Variants in TRPC4 observed in about 807,000 individuals in gnomAD.
TRPC4 encodes short transient receptor potential channel 4.
Under a neutral mutation model 99.4 loss-of-function variants are expected in TRPC4, and 49 were observed. The ratio of observed to expected loss-of-function variants is 0.49; its 90% CI spans 0.39 to 0.63. The LOEUF (loss-of-function observed/expected upper bound fraction) is 0.63, where lower values mean the gene tolerates loss of function less well. TRPC4 is among the 20% of genes least tolerant of loss of function. The pLI is 0.00. For synonymous variants in TRPC4, 454 were observed against 425.9 expected (o/e 1.07, Z -0.81); for missense variants, 898 against 1,152.9 (o/e 0.78, Z 3.20).
rs1175474000 is a variant in TRPC4 at position 37,779,176 on chromosome 13, C to T, written c.378+3780G>A. 2.0e-5 allele frequency among the ~76,000 whole-genome samples: 3 copies of T among 152,028 alleles called. No individual in the cohort carries two copies. The East Asian group carries it at 5.8e-4, about 29-fold the overall frequency. On this transcript the variant is annotated intron_variant, in intron 2 of 10. Coordinates refer to ENST00000379705, the MANE Select transcript of TRPC4 (RefSeq NM_016179.4). ...AGCTGAAACTGAAATTAAATCTGGACTTAGAAGACATCTAAGCTCTGCTAA... is the reference window on the plus strand; with the variant it reads ...AGCTGAAACTGAAATTAAATCTGGATTTAGAAGACATCTAAGCTCTGCTAA...
chr13:37,717,230 C>T (rs1351166538), intron 3 of TRPC4, among the ~76,000 whole-genome samples: 1 of 152,118 alleles, frequency 6.6e-6, no homozygotes, highest in East Asian at 1.9e-4. Context: ...TGAAGCTTTT[C>T]ACAGAGTGAA....
At chr13:37,722,403 G>T (rs1954901524) in intron 3 of TRPC4, among the ~76,000 whole-genome samples, 1 of 152,238 alleles carries the variant, frequency 6.6e-6, no homozygotes, top group Non-Finnish European at 1.5e-5. Context: ...AGGTTAAATT[G>T]GATGTAATCA....
chr13:37,689,720 G>C (rs1384473461), intron 4 of TRPC4, among the ~76,000 whole-genome samples: 1 of 152,212 alleles, frequency 6.6e-6, no homozygotes, highest in Non-Finnish European at 1.5e-5. Context: ...TCTGTTAGAA[G>C]CTTGGTGTGT....
intron 2 of TRPC4, among the ~76,000 whole-genome samples, chr13:37,758,811 T>C: frequency 6.6e-6 from 1 of 151,610 alleles, no homozygotes; most frequent in Non-Finnish European, 1.5e-5. Context: ...TGTGAATAGA[T>C]TATAGAAAAA....
Position 37,783,000 on chromosome 13 carries a change from C to T in TRPC4, c.334G>A (p.Val112Ile). ...TTTTTGTGGTTCAATAACAGCTCAA[C>T]AGCTCCGACGACTTCTTTTCTGATA... The part of the protein sequence containing the change: ...HAIRKEVVGA[V>I]ELLLNHKKPS... Residue 112 changes from valine (V) to isoleucine (I), a missense_variant, in exon 2 of 11, where the codon GTT (valine) becomes ATT (isoleucine). By Grantham distance (29) the Val-to-Ile change is conservative (BLOSUM62 3). Transcript: ENST00000379705. The T allele has an allele frequency of 3.1e-6, 5 of 1,600,368 alleles. No homozygotes were observed. Among genetic ancestry groups the T allele is most frequent in the Non-Finnish European group, 3.4e-6 (4 of 1,173,442 alleles).
chr13:37,730,889 G>A (rs1193730806), intron 3 of TRPC4, among the ~76,000 whole-genome samples: 1 of 151,866 alleles, frequency 6.6e-6, no homozygotes, highest in Non-Finnish European at 1.5e-5. Flanking sequence ...GCAAGTAGAG[G>A]CAAATAGTGA....
chr13:37,743,884 G>T (rs2025402), intron 3 of TRPC4, among the ~76,000 whole-genome samples: 56,423 of 151,938 alleles, frequency 0.37, 11,968 homozygotes, highest in Non-Finnish European at 0.49. Context: ...TTTCACAAAA[G>T]TTATTGTGGC....
intron 1 of TRPC4, among the ~76,000 whole-genome samples, chr13:37,831,452 CAGTCATTTTGGAATAT>C (rs1958419265): frequency 5.9e-5 from 9 of 152,230 alleles, no homozygotes; most frequent in Admixed American, 5.9e-4. Context: ...TAAATAGGTA[CAGTCATTTTGGAATAT>C]AGTATGGAGG....
At chr13:37,833,528 C>T (rs1958480105) in intron 1 of TRPC4, among the ~76,000 whole-genome samples, 2 of 152,182 alleles carry the variant, frequency 1.3e-5, no homozygotes, top group African/African-American at 4.8e-5. Context: ...ATACTCTCCT[C>T]CTGCTCTGTC....
At chr13:37,673,504 GA>G (rs1952935632) in intron 5 of TRPC4, among the ~76,000 whole-genome samples, 1 of 149,946 alleles carries the variant, frequency 6.7e-6, no homozygotes, top group South Asian at 2.1e-4. Flanking sequence ...TAGTTATTTT[GA>G]AACTTTTATT....
At chr13:37,763,980 A>AT (rs1212013522) in intron 2 of TRPC4, among the ~76,000 whole-genome samples, 1 of 151,706 alleles carries the variant, frequency 6.6e-6, no homozygotes, top group Admixed American at 6.6e-5. Context: ...TAATTCTAGC[A>AT]TTGTCCAGGT....
At chr13:37,863,413 T>C (rs1959523953) in intron 1 of TRPC4, among the ~76,000 whole-genome samples, 1 of 151,682 alleles carries the variant, frequency 6.6e-6, no homozygotes, top group African/African-American at 2.4e-5. Flanking sequence ...TGTTATTTAC[T>C]GTTATTACAT....
intron 3 of TRPC4, among the ~76,000 whole-genome samples, chr13:37,727,505 C>T (rs570113775): frequency 1.3e-5 from 2 of 151,792 alleles, no homozygotes; most frequent in South Asian, 4.2e-4. Flanking sequence ...ATTTTTACAA[C>T]TTAATAAATT....
intron 7 of TRPC4, among the ~76,000 whole-genome samples, chr13:37,652,794 C>T (rs918593389): frequency 7.1e-3 from 20 of 2,808 alleles, no homozygotes; most frequent in African/African-American, 0.018. Context: ...ATAGCTCCTT[C>T]TGATTCTCTG....
At chr13:37,809,403 T>C (rs111258028) in intron 1 of TRPC4, among the ~76,000 whole-genome samples, 37 of 152,154 alleles carry the variant, frequency 2.4e-4, no homozygotes, top group African/African-American at 7.2e-4. Flanking sequence ...CTCTTTTGGA[T>C]ATCTTATTTT....
intron 1 of TRPC4, among the ~76,000 whole-genome samples, chr13:37,801,134 T>A (rs888919200): frequency 6.6e-6 from 1 of 152,176 alleles, no homozygotes; most frequent in Admixed American, 6.5e-5. Flanking sequence ...TAAAAAAATA[T>A]GTCCAAAATG....
chr13:37,637,123 T>G lies in TRPC4; in HGVS notation c.2714A>C (p.Gln905Pro), dbSNP rs1951553179. The G allele has an allele frequency of 2.5e-6, 4 of 1,613,708 alleles. No homozygotes were observed. Among genetic ancestry groups the G allele is most frequent in the African/African-American group, 2.7e-5 (2 of 74,906 alleles). The part of the protein sequence containing the change: ...GDLSIPGLSE[Q>P]CVLVDHRERN... ...TTCTCTATGGTCTACTAACACACAT[T>G]GTTCACTGAGACCGGGAATGCTCAG... is the stretch of plus-strand genomic sequence containing the variant. Residue 905 changes from glutamine to proline, a missense_variant, in exon 11 of 11, where the codon CAA becomes CCA. Gln to Pro is a moderately conservative substitution (Grantham distance 76, BLOSUM62 -1). Transcript: ENST00000379705.
intron 1 of TRPC4, among the ~76,000 whole-genome samples, chr13:37,803,138 GC>G (rs1310699082): frequency 6.6e-6 from 1 of 151,902 alleles, no homozygotes; most frequent in Non-Finnish European, 1.5e-5. Context: ...CTTTTGACAT[GC>G]TTTCATCCTT....
chr13:37,697,129 C>T (rs1252223739), intron 3 of TRPC4, among the ~76,000 whole-genome samples: 4 of 152,034 alleles, frequency 2.6e-5, no homozygotes, highest in Non-Finnish European at 4.4e-5. Flanking sequence ...TTTCACCTGC[C>T]TTTCCAGGGC....
Sources: gnomAD v4.1 joint callset for allele counts (sites outside exome capture counted in the v4.1 genomes callset) on GRCh38, gnomAD v4.1.1 for gene constraint, MANE v1.5 for transcripts, NCBI Gene and HGNC (gene_info 2026-07-23, HGNC 2026-07-21) for gene names.